CPM: variants seen among roughly 807,000 people sequenced by gnomAD.
The protein encoded by CPM is renal carboxypeptidase.
A neutral mutation model predicts 46.4 loss-of-function variants in CPM; 35 were observed. The ratio of observed to expected loss-of-function variants is 0.75; its 90% CI spans 0.58 to 1.00. The LOEUF (loss-of-function observed/expected upper bound fraction) is 1.00, where lower values mean the gene tolerates loss of function less well. Among genes scored for constraint, CPM ranks in the 50% least tolerant of loss-of-function variants. CPM has a pLI of 0.00. For missense variants in CPM, 422 were observed against 530.4 expected, an observed-to-expected ratio of 0.80 and a Z score of 2.01; for synonymous variants, 195 against 195.3, an observed-to-expected ratio of 1.00 and a Z score of 0.01.
intron 1 of CPM, among the ~76,000 whole-genome samples, chr12:68,961,013 A>G (rs2136341059): frequency 6.6e-6 from 1 of 152,310 alleles, no homozygotes; most frequent in East Asian, 1.9e-4. Flanking sequence ...CCCCAGTAAA[A>G]ACTAGGAAAT....
chr12:68,891,933 A>G (rs1409419794), intron 2 of CPM, among the ~76,000 whole-genome samples: 11 of 152,002 alleles, frequency 7.2e-5, no homozygotes, highest in Non-Finnish European at 1.2e-4. Context: ...GATGGGGTTT[A>G]GCCATGTTGG....
chr12:68,861,023 G>A (rs925548226), intron 7 of CPM, among the ~76,000 whole-genome samples: 4 of 151,916 alleles, frequency 2.6e-5, no homozygotes, highest in Non-Finnish European at 2.9e-5. Flanking sequence ...TGGGACTACA[G>A]GCACACACCA....
chr12:68,961,379 G>A (rs993748777), intron 1 of CPM, among the ~76,000 whole-genome samples: 5 of 151,942 alleles, frequency 3.3e-5, no homozygotes, highest in African/African-American at 7.3e-5. Context: ...TCCTGGGCTC[G>A]AGTGGTCCAC....
At chr12:68,876,634 G>A (rs1235162298) in intron 3 of CPM, among the ~76,000 whole-genome samples, 1 of 152,170 alleles carries the variant, frequency 6.6e-6, no homozygotes, top group East Asian at 1.9e-4. Flanking sequence ...ACGGGGGCCT[G>A]ATGGACACAC....
chr12:68,881,473 A>G (rs1592656058), intron 3 of CPM, among the ~76,000 whole-genome samples: 1 of 152,232 alleles, frequency 6.6e-6, no homozygotes, highest in East Asian at 1.9e-4. Flanking sequence ...ACATTTGAGG[A>G]CAATTGGAGA....
upstream of CPM, among the ~76,000 whole-genome samples, chr12:68,936,294 T>G (rs1372341421): frequency 6.6e-6 from 1 of 152,132 alleles, no homozygotes; most frequent in Admixed American, 6.6e-5. Flanking sequence ...AAAAATTTAG[T>G]GTTAAGAGTA....
At chr12:68,882,843 T>C (rs1035590273) in intron 3 of CPM, among the ~76,000 whole-genome samples, 10 of 152,220 alleles carry the variant, frequency 6.6e-5, no homozygotes, top group African/African-American at 2.4e-4. Context: ...ATATGCTTTT[T>C]GGCCACCAGA....
At chr12:68,877,510 T>C (rs549158827) in intron 3 of CPM, among the ~76,000 whole-genome samples, 14 of 152,344 alleles carry the variant, frequency 9.2e-5, no homozygotes, top group Non-Finnish European at 1.8e-4. Context: ...ACACATTTTA[T>C]AGAGGCACAG....
chr12:68,885,367 A>G (rs1886383402), intron 3 of CPM, among the ~76,000 whole-genome samples: 1 of 152,208 alleles, frequency 6.6e-6, no homozygotes, highest in Non-Finnish European at 1.5e-5. Flanking sequence ...GCCAGATCTC[A>G]GGAATTTGGG....
upstream of CPM, chr12:68,933,329 C>A (rs1047358321): frequency 6.6e-6 from 1 of 151,946 alleles, no homozygotes; most frequent in Non-Finnish European, 1.5e-5. Flanking sequence ...GGCGCCCGCG[C>A]GGTGCGCCCT....
rs143310129 is a variant in CPM at position 68,852,732 on chromosome 12, AT to A, written c.*3704del. ...GCCACCACGCCCGGCTAATTTTTGT[AT>A]TTTTTTTTAGTAGAGATGGGGTTTC... is the stretch of plus-strand genomic sequence containing the variant. On this transcript the variant is annotated 3_prime_UTR_variant, in exon 9 of 9. Coordinates refer to ENST00000551568, the MANE Select transcript of CPM (RefSeq NM_198320.5). 7.4e-5 allele frequency: 11 copies of A among 148,528 alleles called. No homozygotes were observed. The highest frequency in any genetic ancestry group is 1.2e-4 in the African/African-American group (5 of 40,322). 9.2% of individuals were successfully genotyped at this position (148,528 alleles called of 1,614,324 possible).
At chr12:68,845,210 AGAAAAAGT>A (rs1884183791) in intron 5 of CPM, 1 of 123,776 alleles carries the variant, frequency 8.1e-6, no homozygotes, top group African/African-American at 5.8e-5. Flanking sequence ...ACTTATAAAA[AGAAAAAGT>A]ATTTCTTCAG....
intron 1 of CPM, among the ~76,000 whole-genome samples, chr12:68,954,416 A>G (rs943937539): frequency 7.2e-5 from 11 of 151,836 alleles, no homozygotes; most frequent in Admixed American, 6.6e-5. Flanking sequence ...CATAGTTTAC[A>G]CTCCCTCTCC....
At chr12:68,904,978 G>A (rs768508357) in intron 2 of CPM, among the ~76,000 whole-genome samples, 1 of 151,576 alleles carries the variant, frequency 6.6e-6, no homozygotes, top group Non-Finnish European at 1.5e-5. Flanking sequence ...GTGTGATCTC[G>A]GCTCACTGCA....
At chr12:68,859,486 A>G (rs551997406) in intron 7 of CPM, among the ~76,000 whole-genome samples, 7 of 152,228 alleles carry the variant, frequency 4.6e-5, no homozygotes, top group Admixed American at 1.3e-4. Context: ...CGAGGGACTC[A>G]ATAGTTTTGT....
chr12:68,946,065 A>G (rs1044758549), intron 1 of CPM, among the ~76,000 whole-genome samples: 1 of 151,892 alleles, frequency 6.6e-6, no homozygotes, highest in East Asian at 1.9e-4. Flanking sequence ...TATGTTGCCC[A>G]GGCTGGTCTC....
chr12:68,896,456 T>C (rs1565785848), intron 2 of CPM, among the ~76,000 whole-genome samples: 1 of 152,240 alleles, frequency 6.6e-6, no homozygotes, highest in Non-Finnish European at 1.5e-5. Context: ...GATTGATAAA[T>C]GTTTGCTGAG....
At chr12:68,918,237 T>C (rs1282411564) in intron 2 of CPM, among the ~76,000 whole-genome samples, 1 of 152,202 alleles carries the variant, frequency 6.6e-6, no homozygotes, top group African/African-American at 2.4e-5. Flanking sequence ...AGACTAACTG[T>C]GTGACGGTGC....
chr12:68,908,328 G>A (rs746724282), intron 2 of CPM, among the ~76,000 whole-genome samples: 13 of 151,822 alleles, frequency 8.6e-5, no homozygotes, highest in East Asian at 7.7e-4. Flanking sequence ...AGGCCAACCC[G>A]GGGCTACTCT....
Sources: gnomAD v4.1 joint callset for allele counts (sites outside exome capture counted in the v4.1 genomes callset) on GRCh38, gnomAD v4.1.1 for gene constraint, MANE v1.5 for transcripts, NCBI Gene and HGNC (gene_info 2026-07-23, HGNC 2026-07-21) for gene names.